Variants in NBPF9 observed in about 807,000 individuals in gnomAD.
NBPF9 encodes NBPF member 9.
In NBPF9, 91 loss-of-function variants were observed where a neutral mutation model predicts 97.8. The ratio of observed to expected loss-of-function variants is 0.93; its 90% confidence interval spans 0.79 to 1.11. NBPF9 has a LOEUF of 1.11. Ranked by LOEUF, NBPF9 falls within the 50% of genes least tolerant of loss-of-function variation. The pLI is 0.00. For missense variants in NBPF9, 992 were observed against 939.5 expected (o/e 1.06, Z -0.73); for synonymous variants, 334 against 359.5 (o/e 0.93, Z 0.80).
At chr1:149,076,449 G>T (rs1363432529) in intron 11 of NBPF9, among the ~76,000 whole-genome samples, 1 of 150,620 alleles carries the variant, frequency 6.6e-6, no homozygotes, top group East Asian at 1.9e-4. Context: ...CGCCCACCTC[G>T]GCCTCCCAAA....
intron 13 of NBPF9, among the ~76,000 whole-genome samples, chr1:149,073,509 T>G (rs374383420): frequency 1.2e-3 from 174 of 146,292 alleles, no homozygotes; most frequent in African/African-American, 3.7e-3. Flanking sequence ...CTCCTTTGGT[T>G]AATTTTGTGT....
intron 17 of NBPF9, among the ~76,000 whole-genome samples, chr1:149,068,041 A>G (rs2079143202): frequency 6.8e-6 from 1 of 146,652 alleles, no homozygotes; most frequent in Non-Finnish European, 1.5e-5. Context: ...TTCATAAGTG[A>G]AGGAGAAATA....
intron 5 of NBPF9, among the ~76,000 whole-genome samples, chr1:149,082,881 G>A (rs1271945357): frequency 6.9e-6 from 1 of 144,898 alleles, no homozygotes; most frequent in Non-Finnish European, 1.5e-5. Context: ...CCAGGTTCAC[G>A]CTATTCTCCT....
rs1267140776 is a variant in NBPF9, at chr1:149,080,043, G to T, written c.278+10C>A. 5.7e-6 allele frequency: 9 copies of T among 1,576,656 alleles called. 1 individual carries two copies. The Admixed American group carries it at 8.3e-5, about 15-fold the overall frequency. Reference sequence around the variant, plus strand: ...CTACCCGCCTGCCTCCCCCCACGGGGTCCCCTCACCTGAGCTCCTCAGCTT... The same window carrying T: ...CTACCCGCCTGCCTCCCCCCACGGGTTCCCCTCACCTGAGCTCCTCAGCTT... On this transcript the variant is annotated intron_variant, in intron 8 of 29. Transcript: ENST00000584027.
rs782436714 is a variant in NBPF9 at position 149,055,898 on chromosome 1, G to A, written c.3094C>T (p.Leu1032Phe). 6 of 1,611,652 alleles carry A rather than the reference G, an allele frequency of 3.7e-6. No homozygotes were observed. In the South Asian group the frequency reaches 6.6e-5, roughly 18 times the overall value. Residue 1032 changes from leucine to phenylalanine, a missense_variant and splice_region_variant, in exon 30 of 30, where the codon CTC becomes TTC. Transcript: ENST00000584027. The stretch of plus-strand genomic sequence containing the variant: ...TCCACTTCCATCAGCACGCCGTTGA[G>A]CCTGGAAAAGGAGACAAAACTAAAG...
At chr1:149,070,386 T>TGACTGGGTGGA (rs1553652653) in intron 16 of NBPF9, among the ~76,000 whole-genome samples, 21 of 149,436 alleles carry the variant, frequency 1.4e-4, no homozygotes, top group Non-Finnish European at 2.8e-4. Flanking sequence ...GCCATTGCAT[T>TGACTGGGTGGA]GACAGGGTGG....
intron 8 of NBPF9, among the ~76,000 whole-genome samples, chr1:149,079,734 G>A (rs1193983281): frequency 6.6e-6 from 1 of 151,512 alleles, no homozygotes; most frequent in Non-Finnish European, 1.5e-5. Context: ...AGGGTAAGTG[G>A]GGTGGCAATA....
chr1:149,094,141 G>A (rs2938048), intron 4 of NBPF9, among the ~76,000 whole-genome samples: 2 of 152,068 alleles, frequency 1.3e-5, no homozygotes, highest in East Asian at 3.9e-4. Flanking sequence ...ATCTCCAAAA[G>A]AAAAGATAAA....
chr1:149,060,395 C>T lies in NBPF9; in HGVS notation c.2476+128G>A. On this transcript the variant is annotated intron_variant, in intron 24 of 29. Coordinates refer to ENST00000584027, the Ensembl canonical transcript of NBPF9. Reference sequence around the variant, plus strand: ...TAGAACTAGAGTTTCATTCAACCTACATGTGCCTATAGGTCCTCCCTGTGG... The same window carrying T: ...TAGAACTAGAGTTTCATTCAACCTATATGTGCCTATAGGTCCTCCCTGTGG... 1.7e-5 allele frequency: 7 copies of T among 420,484 alleles called. 3 individuals are homozygous for T. The highest frequency in any genetic ancestry group is 1.3e-4 in the South Asian group (5 of 38,986). The allele number at this position is 420,484 out of a possible 1,614,324, so 26.0% of individuals were successfully genotyped here.
chr1:149,089,593 G>A (rs1390201714), intron 5 of NBPF9, among the ~76,000 whole-genome samples: 1 of 152,304 alleles, frequency 6.6e-6, no homozygotes, highest in Non-Finnish European at 1.5e-5. Flanking sequence ...GGAAGGAGGA[G>A]GGGATGTTAT....
At chr1:149,097,456 T>C (rs1308292726) in intron 4 of NBPF9, among the ~76,000 whole-genome samples, 2 of 152,202 alleles carry the variant, frequency 1.3e-5, no homozygotes, top group Non-Finnish European at 2.9e-5. Context: ...GATGAGACAG[T>C]GGATCCCAGA....
At chr1:149,089,464 G>A (rs2081267651) in intron 5 of NBPF9, among the ~76,000 whole-genome samples, 1 of 152,286 alleles carries the variant, frequency 6.6e-6, no homozygotes, top group Admixed American at 6.5e-5. Context: ...TCCATCGGGT[G>A]CCCCCATTGC....
intron 7 of NBPF9, among the ~76,000 whole-genome samples, chr1:149,081,117 T>G (rs1230910467): frequency 2.6e-5 from 4 of 152,120 alleles, no homozygotes; most frequent in Non-Finnish European, 5.9e-5. Context: ...TTGATTTATT[T>G]ATCTTTTTGT....
At chr1:149,070,085 C>T (rs1209395383) in intron 16 of NBPF9, among the ~76,000 whole-genome samples, 2 of 133,628 alleles carry the variant, frequency 1.5e-5, no homozygotes, top group Admixed American at 7.7e-5. Context: ...ATTTGGGAGG[C>T]CAAGACAGGT....
exon 30 of NBPF9, chr1:149,055,699 C>T (rs782670301): frequency 1.2e-6 from 2 of 1,611,886 alleles, no homozygotes; most frequent in Non-Finnish European, 1.7e-6. Flanking sequence ...CAGGTGGAGA[C>T]TTGTCACCGT....
At chr1:149,100,951 T>C (rs1473435398) in intron 3 of NBPF9, among the ~76,000 whole-genome samples, 2 of 148,590 alleles carry the variant, frequency 1.3e-5, no homozygotes, top group African/African-American at 2.5e-5. Context: ...AAAAAAGAAA[T>C]GCAAAAACTA....
intron 20 of NBPF9, among the ~76,000 whole-genome samples, chr1:149,063,214 TGGTTGCTA>T (rs1398334193): frequency 1.5e-5 from 2 of 132,518 alleles, no homozygotes; most frequent in Non-Finnish European, 3.1e-5. Context: ...TGCCCCCAAA[TGGTTGCTA>T]GGAGAAAAAC....
chr1:149,075,559 G>C lies in NBPF9; in HGVS notation c.988+96C>G, dbSNP rs587705181. 1.4e-3 allele frequency: 1,938 copies of C among 1,419,130 alleles called. 1 individual carries two copies. The highest frequency in any genetic ancestry group is 1.7e-3 in the Non-Finnish European group (1,744 of 1,004,588). The allele number at this position is 1,419,130 out of a possible 1,614,324, so 87.9% of individuals were successfully genotyped here. On this transcript the variant is annotated intron_variant, in intron 12 of 29. Transcript: ENST00000584027. The stretch of plus-strand genomic sequence containing the variant: ...TCTGTTTTCCTAGAAGTATGGGGAG[G>C]ATGACATTATTTTTGATGGAGAGAG...
At chr1:149,082,957 C>CTTT (rs1157992196) in intron 5 of NBPF9, among the ~76,000 whole-genome samples, 6,436 of 66,218 alleles carry the variant, frequency 0.097, 556 homozygotes, top group East Asian at 0.24. Flanking sequence ...TTTTTCTTTT[C>CTTT]TTTTTTTTTT....
Sources: gnomAD v4.1 joint callset for allele counts (sites outside exome capture counted in the v4.1 genomes callset) on GRCh38, gnomAD v4.1.1 for gene constraint, MANE v1.5 for transcripts, NCBI Gene and HGNC (gene_info 2026-07-23, HGNC 2026-07-21) for gene names.